CDC42BPA: variants seen among roughly 807,000 people sequenced by gnomAD.
CDC42BPA encodes the protein serine/threonine-protein kinase MRCK alpha.
CDC42BPA carries 80 observed loss-of-function variants against 223.5 expected under a neutral mutation model. That is an observed-to-expected ratio of 0.36 (90% CI 0.30 to 0.43). CDC42BPA has a LOEUF of 0.43. Ranked by LOEUF, CDC42BPA falls within the 20% of genes least tolerant of loss-of-function variation. CDC42BPA has a pLI of 1.00. For synonymous variants in CDC42BPA, 694 were observed against 718.6 expected, an observed-to-expected ratio of 0.97 and a Z score of 0.55; for missense variants, 1,743 against 2,099.9, an observed-to-expected ratio of 0.83 and a Z score of 3.32.
chr1:227,037,935 T>C (rs188032866), intron 24 of CDC42BPA, among the ~76,000 whole-genome samples: 13 of 152,298 alleles, frequency 8.5e-5, no homozygotes, highest in Admixed American at 7.8e-4. Flanking sequence ...ACAACATGAA[T>C]TCTGCTAAAA....
intron 21 of CDC42BPA, among the ~76,000 whole-genome samples, chr1:227,053,174 A>G (rs1673882194): frequency 6.6e-6 from 1 of 152,216 alleles, no homozygotes; most frequent in Non-Finnish European, 1.5e-5. Context: ...ACTATCAGCA[A>G]TGTATGATAT....
chr1:227,163,510 T>A (rs1012357127), intron 5 of CDC42BPA, among the ~76,000 whole-genome samples: 1 of 26,358 alleles, frequency 3.8e-5, no homozygotes, highest in African/African-American at 2.3e-4. Context: ...CAGTTGAGAA[T>A]CTTTTCATAT....
At chr1:227,107,598 C>T (rs780207063) in intron 14 of CDC42BPA, among the ~76,000 whole-genome samples, 2 of 152,098 alleles carry the variant, frequency 1.3e-5, no homozygotes, top group South Asian at 2.1e-4. Context: ...GGAAGGATTG[C>T]TGTTAATTTT....
Position 227,033,422 on chromosome 1 carries a change from G to A in CDC42BPA, c.3477-7C>T, listed in dbSNP as rs11582863. On this transcript the variant is annotated splice_region_variant and splice_polypyrimidine_tract_variant and intron_variant, in intron 26 of 36. Transcript: ENST00000366766. ...CACAGAAAATTCTTCATCCCTGAAC[G>A]AAAAGCAAAGCATTAAAAGTTACTA... 292,889 of 1,600,106 alleles carry A rather than the reference G, an allele frequency of 0.18. 27,779 individuals are homozygous for A. The highest frequency in any genetic ancestry group is 0.19 in the Non-Finnish European group (225,963 of 1,167,434).
intron 6 of CDC42BPA, among the ~76,000 whole-genome samples, chr1:227,154,368 T>C (rs1231550805): frequency 6.6e-6 from 1 of 151,984 alleles, no homozygotes; most frequent in Admixed American, 6.6e-5. Context: ...CTGAAGGTCA[T>C]TAGACTCCAT....
At chr1:227,162,268 A>C (rs1664049576) in intron 5 of CDC42BPA, among the ~76,000 whole-genome samples, 1 of 151,990 alleles carries the variant, frequency 6.6e-6, no homozygotes, top group African/African-American at 2.4e-5. Flanking sequence ...TATATAAATA[A>C]AATAGAAAAT....
intron 2 of CDC42BPA, among the ~76,000 whole-genome samples, chr1:227,243,241 G>A (rs777579388): frequency 2.7e-4 from 41 of 152,138 alleles, no homozygotes; most frequent in Non-Finnish European, 2.2e-4. Flanking sequence ...TTAATAGGGC[G>A]ATGAAATAAT....
At chr1:227,034,403 T>C (rs1038672730) in intron 26 of CDC42BPA, among the ~76,000 whole-genome samples, 1 of 152,206 alleles carries the variant, frequency 6.6e-6, no homozygotes, top group African/African-American at 2.4e-5. Context: ...TTACCCCATT[T>C]ACACAGGTCT....
At position 227,150,364 on chromosome 1, in the gene CDC42BPA, T is replaced by C. The variant is rs187237406; in HGVS notation, c.694-2805A>G. 1.0e-3 allele frequency among the ~76,000 whole-genome samples: 153 copies of C among 152,204 alleles called. 1 individual carries two copies. The highest frequency in any genetic ancestry group is 3.6e-3 in the African/African-American group (151 of 41,534). ...ACATTAAAGAATAGAGATTATCTAC[T>C]AAGAAATGACAATTAGACCAACAGC... On this transcript the variant is annotated intron_variant, in intron 6 of 36. Transcript: ENST00000366766.
intron 12 of CDC42BPA, among the ~76,000 whole-genome samples, chr1:227,116,512 C>A (rs1428433773): frequency 6.6e-6 from 1 of 152,122 alleles, no homozygotes; most frequent in Non-Finnish European, 1.5e-5. Flanking sequence ...GATGGGGATG[C>A]CTGCTATTAT....
intron 1 of CDC42BPA, among the ~76,000 whole-genome samples, chr1:227,255,338 T>C (rs901387703): frequency 1.3e-5 from 2 of 152,246 alleles, no homozygotes; most frequent in African/African-American, 4.8e-5. Flanking sequence ...CAGTTTGCTC[T>C]GATCTAAAAG....
At chr1:227,280,936 G>C (rs753205385) in intron 1 of CDC42BPA, among the ~76,000 whole-genome samples, 19 of 152,134 alleles carry the variant, frequency 1.2e-4, no homozygotes, top group Non-Finnish European at 2.4e-4. Context: ...CTGCCTCTCA[G>C]GGCCTCTGCC....
intron 5 of CDC42BPA, among the ~76,000 whole-genome samples, chr1:227,162,379 C>T (rs1236270995): frequency 6.6e-6 from 1 of 152,184 alleles, no homozygotes; most frequent in Non-Finnish European, 1.5e-5. Flanking sequence ...GACATAGCTA[C>T]TATCCTAAAT....
At position 227,243,766 on chromosome 1, in the gene CDC42BPA, A is replaced by T. The variant is rs868512203; in HGVS notation, c.270+10298T>A. On this transcript the variant is annotated intron_variant, in intron 2 of 36. Transcript: ENST00000366766. The stretch of plus-strand genomic sequence containing the variant: ...CACGGAAAAGATTTGTCACACACAC[A>T]CACACACACACACACACACACACAC... Among the ~76,000 whole-genome samples the T allele has an allele frequency of 1.8e-3, 245 of 133,844 alleles. 1 individual carries two copies. The Middle Eastern group carries it at 0.023, about 12-fold the overall frequency. 87.8% of individuals were successfully genotyped at this position (133,844 alleles called of 152,430 possible). A position where few individuals can be genotyped will look rare whatever the true frequency, so the allele number is the denominator to read the frequency against.
At chr1:227,053,375 A>G (rs1413507316) in intron 21 of CDC42BPA, among the ~76,000 whole-genome samples, 1 of 152,170 alleles carries the variant, frequency 6.6e-6, no homozygotes, top group Non-Finnish European at 1.5e-5. Context: ...ACCAGGCCAT[A>G]AACTTTCAGC....
chr1:227,252,239 A>G (rs1178247676), intron 2 of CDC42BPA, among the ~76,000 whole-genome samples: 1 of 152,158 alleles, frequency 6.6e-6, no homozygotes, highest in Non-Finnish European at 1.5e-5. Context: ...TGGAAAAGAT[A>G]ATAAACTGAT....
At chr1:227,103,339 A>C (rs1305179959) in intron 14 of CDC42BPA, among the ~76,000 whole-genome samples, 2 of 152,114 alleles carry the variant, frequency 1.3e-5, no homozygotes, top group East Asian at 3.8e-4. Context: ...AGCAATAAAC[A>C]TAACAAAAAT....
At chr1:227,290,989 A>C (rs1239274834) in intron 1 of CDC42BPA, among the ~76,000 whole-genome samples, 1 of 152,198 alleles carries the variant, frequency 6.6e-6, no homozygotes, top group African/African-American at 2.4e-5. Flanking sequence ...CCGTCTTCCT[A>C]AACAGAATCC....
intron 21 of CDC42BPA, among the ~76,000 whole-genome samples, chr1:227,066,394 A>C (rs561126097): frequency 8.1e-5 from 12 of 148,278 alleles, no homozygotes; most frequent in East Asian, 5.8e-4. Flanking sequence ...GTCTCAAAAA[A>C]AAAAACAAAA....
Sources: gnomAD v4.1 joint callset for allele counts (sites outside exome capture counted in the v4.1 genomes callset) on GRCh38, gnomAD v4.1.1 for gene constraint, MANE v1.5 for transcripts, NCBI Gene and HGNC (gene_info 2026-07-23, HGNC 2026-07-21) for gene names.